The following WIPI2 variants were observed in gnomAD, a reference collection of about 807,000 sequenced individuals.
WIPI2 encodes WD repeat domain, phosphoinositide interacting 2.
Under a neutral mutation model 52.3 loss-of-function variants are expected in WIPI2, and 28 were observed. The observed-to-expected ratio is 0.54, with a 90% CI of 0.40 to 0.73. The LOEUF is 0.73. Ranked by LOEUF, WIPI2 falls within the 30% of genes least tolerant of loss-of-function variation. The probability of loss-of-function intolerance (pLI) is 0.00; values close to 1 mark genes in which losing one functional copy is unlikely to be tolerated. For synonymous variants in WIPI2, 268 were observed against 245.0 expected (o/e 1.09, Z -0.88); for missense variants, 506 against 602.9 (o/e 0.84, Z 1.68).
rs1018756316 is a variant in WIPI2, at chr7:5,230,496, CCCA to C, written c.1253-336_1253-334del. 6.6e-6 allele frequency among the ~76,000 whole-genome samples: 1 copy of C among 152,196 alleles called. No homozygotes were observed. The highest frequency in any genetic ancestry group is 2.4e-5 in the African/African-American group (1 of 41,448). ...TGAACCGGCACTTCCAGTTCATGAG[CCCA>C]CCCTGAGAGTCTCCTAGTGTCATTT... On this transcript the variant is annotated intron_variant, in intron 12 of 12. Transcript: ENST00000288828. This position sits in a 1 kb window ranked among gnomAD's most constrained non-coding sequence, Gnocchi z 4.8.
chr7:5,226,636 A>T (rs909063856), intron 9 of WIPI2: 2 of 152,682 alleles, frequency 1.3e-5, no homozygotes, highest in Non-Finnish European at 2.9e-5. Flanking sequence ...TAAAAATTTT[A>T]AAAAGAACAT....
rs1288536427 is a variant in WIPI2 at position 5,227,747 on chromosome 7, A to G, written c.1014-357A>G. On this transcript the variant is annotated intron_variant, in intron 10 of 12. Transcript: ENST00000288828. This position sits in a 1 kb window ranked among gnomAD's most constrained non-coding sequence, Gnocchi z 8.1. ...TGTGCTGCGTGCGGGAAAGATTGTC[A>G]TTACACCCAGTGATGGCAGGGCTTT... 6.6e-6 allele frequency among the ~76,000 whole-genome samples: 1 copy of G among 152,138 alleles called. No homozygotes were observed.
chr7:5,220,885 TG>T (rs755716133), intron 7 of WIPI2, among the ~76,000 whole-genome samples: 4 of 151,650 alleles, frequency 2.6e-5, no homozygotes, highest in Non-Finnish European at 5.9e-5. Flanking sequence ...CCTCCACCTC[TG>T]GGGCTCAAGC....
chr7:5,214,154 G>C, intron 3 of WIPI2: 1 of 768,676 alleles, frequency 1.3e-6, no homozygotes, highest in South Asian at 1.9e-5. Flanking sequence ...ATGGAACCCA[G>C]GGGAAGCAAT....
chr7:5,205,016 T>G (rs1322421772), intron 3 of WIPI2, among the ~76,000 whole-genome samples: 1 of 151,908 alleles, frequency 6.6e-6, no homozygotes, highest in Non-Finnish European at 1.5e-5. Flanking sequence ...CGCTGTATCA[T>G]CCAGGCTGGA....
chr7:5,196,371 T>A (rs1173757015), intron 2 of WIPI2, among the ~76,000 whole-genome samples: 1 of 152,162 alleles, frequency 6.6e-6, no homozygotes. Flanking sequence ...AACCAACTTA[T>A]CTTTACTGAT....
intron 3 of WIPI2, among the ~76,000 whole-genome samples, chr7:5,212,621 C>T (rs780383657): frequency 2.6e-5 from 4 of 152,142 alleles, no homozygotes; most frequent in Non-Finnish European, 5.9e-5. Context: ...GCAGCCTCAA[C>T]CTCCTGGGAT....
rs777525936 is a variant in WIPI2, at chr7:5,228,156, A to G, written c.1066A>G (p.Met356Val). The part of the protein sequence containing the change: ...LVGAADGYLY[M>V]YNLDPQEGGE... ...GGGTGCCGCCGACGGGTACCTGTACATGTACAACCTGGACCCCCAGGAGGG... is the reference window on the plus strand; with the variant it reads ...GGGTGCCGCCGACGGGTACCTGTACGTGTACAACCTGGACCCCCAGGAGGG... Residue 356 changes from methionine (M) to valine (V), a missense_variant, in exon 11 of 13, where the codon ATG (methionine) becomes GTG (valine). Met to Val is a conservative substitution (Grantham distance 21). Coordinates refer to ENST00000288828, the MANE Select transcript of WIPI2 (RefSeq NM_015610.4). 12 of 1,613,958 alleles carry G rather than the reference A, an allele frequency of 7.4e-6. No individual in the cohort carries two copies. Among genetic ancestry groups the G allele is most frequent in the Non-Finnish European group, 1.0e-5 (12 of 1,180,012 alleles).
At position 5,229,418 on chromosome 7, in the gene WIPI2, T is replaced by C. The variant is rs892411646; in HGVS notation, c.1122-190T>C. ...TAGGTATAACTCCCTCTTTAGACTT[T>C]CCATGTAAAACTCTTCATGTAAAAA... On this transcript the variant is annotated intron_variant, in intron 11 of 12. Transcript: ENST00000288828. 10 of 583,792 alleles carry C rather than the reference T, an allele frequency of 1.7e-5. No individual in the cohort carries two copies. In the Admixed American group the frequency reaches 2.0e-4, roughly 12 times the overall value. The allele number at this position is 583,792 out of a possible 1,614,324, so 36.2% of individuals were successfully genotyped here. A position where few individuals can be genotyped will look rare whatever the true frequency, so the allele number is the denominator to read the frequency against.
intron 6 of WIPI2, 41 bp downstream of exon 6, chr7:5,217,228 G>T (rs779459467): frequency 6.2e-7 from 1 of 1,605,698 alleles, no homozygotes; most frequent in South Asian, 1.1e-5. Context: ...CTAAAGTGTG[G>T]CTTTTTCCTG....
intron 3 of WIPI2, 74 bp from the exon 4 acceptor site, chr7:5,214,461 T>A: frequency 1.2e-6 from 2 of 1,613,722 alleles, no homozygotes; most frequent in Non-Finnish European, 1.7e-6. Context: ...GGTGTTTGTT[T>A]TTGAGCGCAG....
At chr7:5,190,746 T>G in intron 1 of WIPI2, 2 of 343,640 alleles carry the variant, frequency 5.8e-6, no homozygotes, top group Non-Finnish European at 1.0e-5. Context: ...TTTCACCCTC[T>G]TGCGGGGAGG....
chr7:5,210,326 C>T (rs1281708922), intron 3 of WIPI2, among the ~76,000 whole-genome samples: 1 of 152,246 alleles, frequency 6.6e-6, no homozygotes, highest in Non-Finnish European at 1.5e-5. Context: ...GCCATATAAG[C>T]TCCTCGTTCC....
chr7:5,217,749 G>A, intron 6 of WIPI2, 173 bp from the exon 7 acceptor site: 2 of 677,366 alleles, frequency 3.0e-6, no homozygotes, highest in Non-Finnish European at 2.7e-6. Flanking sequence ...TTCTAAAGTT[G>A]GAGCAGCATT....
At chr7:5,213,872 A>G (rs1048582803) in intron 3 of WIPI2, among the ~76,000 whole-genome samples, 27 of 152,218 alleles carry the variant, frequency 1.8e-4, no homozygotes, top group African/African-American at 6.3e-4. Flanking sequence ...TTTTTAGTAG[A>G]GATGGGGTTT....
At chr7:5,207,881 TCAG>T (rs765140492) in intron 3 of WIPI2, among the ~76,000 whole-genome samples, 13 of 145,492 alleles carry the variant, frequency 8.9e-5, no homozygotes, top group Non-Finnish European at 7.5e-5. Flanking sequence ...TTCTCCTCCC[TCAG>T]CCTCCCAAGT....
chr7:5,226,280 GT>G (rs1562407686), intron 9 of WIPI2: 4 of 252,790 alleles, frequency 1.6e-5, no homozygotes, highest in Non-Finnish European at 3.1e-5. Context: ...TGAATGGCTC[GT>G]CTCTTACCTT....
rs1246802610 is a variant in WIPI2, at chr7:5,232,562, GAC to G, written c.*1617_*1618del. The G allele has an allele frequency of 2.7e-6, 1 of 372,422 alleles. No homozygotes were observed. The highest frequency in any genetic ancestry group is 4.8e-6 in the Non-Finnish European group (1 of 209,982). The allele number at this position is 372,422 out of a possible 1,614,324, so 23.1% of individuals were successfully genotyped here. On this transcript the variant is annotated 3_prime_UTR_variant, in exon 13 of 13. Transcript: ENST00000288828. Reference sequence around the variant, plus strand: ...ATGGGATCCCGGTCACGCAGGCTGAGACAGTGGGGACCGCCGAGGCCAGAGTG... The same window carrying G: ...ATGGGATCCCGGTCACGCAGGCTGAGAGTGGGGACCGCCGAGGCCAGAGTG...
intron 3 of WIPI2, among the ~76,000 whole-genome samples, chr7:5,207,992 C>T (rs114753922): frequency 0.029 from 4,452 of 152,188 alleles, 196 homozygotes; most frequent in African/African-American, 0.1. Context: ...CCTGAGACTC[C>T]TGACCTCAGG....
Sources: gnomAD v4.1 joint callset for allele counts (sites outside exome capture counted in the v4.1 genomes callset) on GRCh38, gnomAD v4.1.1 for gene constraint, Gnocchi (gnomAD v3.1) non-coding constraint, MANE v1.5 for transcripts, NCBI Gene and HGNC (gene_info 2026-07-23, HGNC 2026-07-21) for gene names.